Variants in ZNF625 observed in about 807,000 individuals in gnomAD.
The protein encoded by ZNF625 is zinc finger protein 625.
Under a neutral mutation model 11.1 loss-of-function variants are expected in ZNF625, and 8 were observed. The observed-to-expected ratio is 0.72, with a 90% CI of 0.42 to 1.30. ZNF625 has a LOEUF of 1.30. ZNF625 is among the 50% of genes most tolerant of loss of function. ZNF625 has a pLI of 0.01. For synonymous variants in ZNF625, 145 were observed against 153.4 expected, an observed-to-expected ratio of 0.95 and a Z score of 0.41; for missense variants, 349 against 447.6, an observed-to-expected ratio of 0.78 and a Z score of 1.99.
chr19:12,146,351 A>G (rs1976872958), intron 3 of ZNF625, 127 bp from the exon 4 acceptor site: 4 of 835,852 alleles, frequency 4.8e-6, no homozygotes, highest in Non-Finnish European at 1.9e-6. Context: ...CTGTCTGAAC[A>G]TGAACAGACC....
At position 12,145,361 on chromosome 19, in the gene ZNF625, G is replaced by A; in HGVS notation, c.1055C>T (p.Thr352Ile). 1 of 1,614,162 alleles carries A rather than the reference G, an allele frequency of 6.2e-7. No homozygotes were observed. Among genetic ancestry groups the A allele is most frequent in the Non-Finnish European group, 8.5e-7 (1 of 1,180,030 alleles). Residue 352 changes from threonine (T) to isoleucine (I), a missense_variant, in exon 4 of 4, where the codon ACT becomes ATT. Transcript: ENST00000439556. ...GCTACAGGGTTTTTCTCCAGTGTGA[G>A]TCCTTTCATGGATTTTAACGCTCGA... ...CASSVKIHER[T>I]HTGEKPCSSN...
chr19:12,152,613 C>T (rs545420824), intron 1 of ZNF625, among the ~76,000 whole-genome samples: 32 of 152,150 alleles, frequency 2.1e-4, no homozygotes, highest in African/African-American at 6.7e-4. Flanking sequence ...GATGCCAAGG[C>T]GGGAGGATCA....
At chr19:12,156,448 T>C (rs1977028363) in intron 1 of ZNF625, 108 bp downstream of exon 1, 1 of 954,442 alleles carries the variant, frequency 1.0e-6, no homozygotes, top group Non-Finnish European at 1.4e-6. Flanking sequence ...GACTCCGCTC[T>C]GCAGACCCGA....
At position 12,147,456 on chromosome 19, in the gene ZNF625, C is replaced by T. The variant is rs1434037008; in HGVS notation, c.131-1G>A. 2 of 1,529,404 alleles carry T rather than the reference C, an allele frequency of 1.3e-6. No homozygotes were observed. Among genetic ancestry groups the T allele is most frequent in the Non-Finnish European group, 1.7e-6 (2 of 1,143,450 alleles). The allele number at this position is 1,529,404 out of a possible 1,614,324, so 94.7% of individuals were successfully genotyped here. On this transcript the variant is annotated splice_acceptor_variant, in intron 2 of 3. Transcript: ENST00000439556. LOFTEE classifies it high-confidence loss of function. ...ATTTTCTGATCTTTCCATTTTTTTCCTAAAATACAGAACCAGAAAAATAGT... is the reference window on the plus strand; with the variant it reads ...ATTTTCTGATCTTTCCATTTTTTTCTTAAAATACAGAACCAGAAAAATAGT...
At chr19:12,148,782 G>A (rs1187256511) in intron 1 of ZNF625, among the ~76,000 whole-genome samples, 1 of 151,702 alleles carries the variant, frequency 6.6e-6, no homozygotes, top group African/African-American at 2.4e-5. Context: ...CACCATGCCT[G>A]GCTAATTTTT....
rs2145614636 is a variant in ZNF625 at position 12,153,438 on chromosome 19, A to C, written c.3+3118T>G. On this transcript the variant is annotated intron_variant, in intron 1 of 3. Transcript: ENST00000439556. ...CAGTAGTTCATGCCTGTAATCCGGC[A>C]TTTTGGGAAGCCAAGGCGGGTGGAT... Among the ~76,000 whole-genome samples the C allele has an allele frequency of 2.6e-5, 4 of 151,880 alleles. 1 individual carries two copies. In the South Asian group the frequency reaches 8.3e-4, roughly 32 times the overall value.
rs1329612053 is a variant in ZNF625, at chr19:12,147,467, A to G, written c.131-12T>C. 3.3e-6 allele frequency: 5 copies of G among 1,530,624 alleles called. 1 individual carries two copies. The Admixed American group carries it at 1.1e-4, about 33-fold the overall frequency. 94.8% of individuals were successfully genotyped at this position (1,530,624 alleles called of 1,614,324 possible). ...TTTCCATTTTTTTCCTAAAATACAG[A>G]ACCAGAAAAATAGTCCTGAATTAGC... On this transcript the variant is annotated splice_polypyrimidine_tract_variant and intron_variant, in intron 2 of 3. Transcript: ENST00000439556.
At chr19:12,152,826 G>A (rs561509285) in intron 1 of ZNF625, among the ~76,000 whole-genome samples, 4 of 151,574 alleles carry the variant, frequency 2.6e-5, no homozygotes, top group Admixed American at 6.6e-5. Flanking sequence ...CCTGGATGAC[G>A]GAGCGAGACT....
chr19:12,154,419 T>TCCC (rs1228772923), intron 1 of ZNF625, among the ~76,000 whole-genome samples: 1 of 152,146 alleles, frequency 6.6e-6, no homozygotes, highest in Non-Finnish European at 1.5e-5. Context: ...AAGGCTGGTC[T>TCCC]CCAACTCCTG....
At chr19:12,152,525 G>A (rs543720554) in intron 1 of ZNF625, among the ~76,000 whole-genome samples, 2 of 152,062 alleles carry the variant, frequency 1.3e-5, no homozygotes, top group East Asian at 3.9e-4. Context: ...AAAAGCATAT[G>A]ACAAACCTCA....
chr19:12,151,330 C>T (rs1185877894), intron 1 of ZNF625, among the ~76,000 whole-genome samples: 1 of 151,320 alleles, frequency 6.6e-6, no homozygotes, highest in African/African-American at 2.4e-5. Flanking sequence ...CCCACCACAG[C>T]CTTCTGAGTA....
rs1976850824 is a variant in ZNF625, at chr19:12,145,283, G to A, written c.*14C>T. 1 of 1,571,696 alleles carries A rather than the reference G, an allele frequency of 6.4e-7. No individual in the cohort carries two copies. Among genetic ancestry groups the A allele is most frequent in the African/African-American group, 1.4e-5 (1 of 73,304 alleles). ...CATGATTGGATTCGGTGGCTTCTAGGAATCTTATGTGAATTAAGCAATCTT... is the reference window on the plus strand; with the variant it reads ...CATGATTGGATTCGGTGGCTTCTAGAAATCTTATGTGAATTAAGCAATCTT... On this transcript the variant is annotated 3_prime_UTR_variant, in exon 4 of 4. Transcript: ENST00000439556.
rs746520104 is a variant in ZNF625, at chr19:12,146,158, C to T, written c.258G>A (p.Gln86=). The T allele has an allele frequency of 6.2e-6, 10 of 1,614,024 alleles. No homozygotes were observed. In the East Asian group the frequency reaches 2.2e-4, roughly 36 times the overall value. The part of the protein sequence containing the change: ...KDHQHGEILT[Q]VPDDMLKKKT... ...TCTTCTTCAGCATGTCATCTGGAAC[C>T]TGGGTCAAAATTTCTCCATGCTGAT... is the stretch of plus-strand genomic sequence containing the variant. The change falls in exon 4 of 4, where the codon CAG becomes CAA. Residue 86 remains glutamine (Q), a synonymous_variant. Coordinates refer to ENST00000439556, the MANE Select transcript of ZNF625 (RefSeq NM_145233.4).
At chr19:12,147,262 C>T (rs912483770) in intron 3 of ZNF625, 133 bp downstream of exon 3, 105 of 798,748 alleles carry the variant, frequency 1.3e-4, no homozygotes, top group Admixed American at 3.3e-4. Flanking sequence ...CCACCACAGC[C>T]GGCCCTAGAG....
In ZNF625 at chr19:12,156,716, T is replaced by C. The variant is rs269824; in HGVS notation, c.-158A>G. The C allele has an allele frequency of 0.015, 9,527 of 646,880 alleles. 728 individuals are homozygous for C. The African/African-American group carries it at 0.17, about 11-fold the overall frequency. The allele number at this position is 646,880 out of a possible 1,614,324, so 40.1% of individuals were successfully genotyped here. A position where few individuals can be genotyped will look rare whatever the true frequency, so the allele number is the denominator to read the frequency against. On this transcript the variant is annotated 5_prime_UTR_variant, in exon 1 of 4. Coordinates refer to ENST00000439556, the MANE Select transcript of ZNF625 (RefSeq NM_145233.4). Reference sequence around the variant, plus strand: ...CGACCTCCCTTTGGTGCAAGACGCCTGGGAGTCAGGAAAGCGGGAATGCGG... The same window carrying C: ...CGACCTCCCTTTGGTGCAAGACGCCCGGGAGTCAGGAAAGCGGGAATGCGG...
At chr19:12,148,646 G>A (rs1259873052) in intron 1 of ZNF625, among the ~76,000 whole-genome samples, 1 of 146,318 alleles carries the variant, frequency 6.8e-6, no homozygotes, top group Non-Finnish European at 1.5e-5. Context: ...TTTTGAGATA[G>A]AGTCTCACTC....
At position 12,156,633 on chromosome 19, in the gene ZNF625, G is replaced by T; in HGVS notation, c.-75C>A. 1 of 1,237,142 alleles carries T rather than the reference G, an allele frequency of 8.1e-7. No individual in the cohort carries two copies. The highest frequency in any genetic ancestry group is 1.0e-6 in the Non-Finnish European group (1 of 983,262). 76.6% of individuals were successfully genotyped at this position (1,237,142 alleles called of 1,614,324 possible). On this transcript the variant is annotated 5_prime_UTR_variant, in exon 1 of 4. Coordinates refer to ENST00000439556, the MANE Select transcript of ZNF625 (RefSeq NM_145233.4). ...GTCCAGTCACAGTGCGGGCGATGGA[G>T]CGACAGAAGCTATGGCGGAGGCACC...
intron 1 of ZNF625, among the ~76,000 whole-genome samples, chr19:12,151,704 A>G (rs992162182): frequency 2.7e-4 from 41 of 151,814 alleles, no homozygotes; most frequent in African/African-American, 9.9e-4. Flanking sequence ...TTGTAGAGAC[A>G]TGGTCTCACT....
In ZNF625 at chr19:12,145,761, A is replaced by G; in HGVS notation, c.655T>C (p.Tyr219His). ...GCTTTACCACACTGTTTACATTCATATGGTTTCTCTCCAGTGTGAGTTCGT... is the reference window on the plus strand; with the variant it reads ...GCTTTACCACACTGTTTACATTCATGTGGTTTCTCTCCAGTGTGAGTTCGT... ...HKRTHTGEKP[Y>H]ECKQCGKAFS... The change falls in exon 4 of 4, where the codon TAT becomes CAT. Residue 219 changes from tyrosine to histidine, a missense_variant. By Grantham distance (83) the Tyr-to-His change is moderately conservative. Coordinates refer to ENST00000439556, the MANE Select transcript of ZNF625 (RefSeq NM_145233.4). 1.9e-6 allele frequency: 3 copies of G among 1,614,232 alleles called. No individual in the cohort carries two copies. Among genetic ancestry groups the G allele is most frequent in the Non-Finnish European group, 2.5e-6 (3 of 1,180,032 alleles).
Sources: allele counts gnomAD v4.1 joint callset (sites outside exome capture counted in the v4.1 genomes callset), GRCh38; gene constraint gnomAD v4.1.1; transcripts MANE v1.5; gene names NCBI Gene and HGNC (gene_info 2026-07-23, HGNC 2026-07-21).